MPP2: variants seen among roughly 807,000 people sequenced by gnomAD.
MPP2 encodes MAGUK p55 scaffold protein 2.
In MPP2, 42 loss-of-function variants were observed where a neutral mutation model predicts 58.5. The observed-to-expected ratio is 0.72, with a 90% CI of 0.56 to 0.93. MPP2 has a LOEUF of 0.93. Ranked by LOEUF, MPP2 falls within the 40% of genes least tolerant of loss-of-function variation. The probability of loss-of-function intolerance (pLI) is 0.00; values close to 1 mark genes in which losing one functional copy is unlikely to be tolerated. For synonymous variants in MPP2, 300 were observed against 307.8 expected, an observed-to-expected ratio of 0.97 and a Z score of 0.26; for missense variants, 632 against 760.4, an observed-to-expected ratio of 0.83 and a Z score of 1.99.
intron 3 of MPP2, among the ~76,000 whole-genome samples, chr17:43,885,212 G>T (rs532577508): frequency 1.3e-5 from 2 of 150,726 alleles, no homozygotes; most frequent in South Asian, 4.2e-4. Flanking sequence ...ATATCACTAT[G>T]AATTTTTTTT....
intron 1 of MPP2, among the ~76,000 whole-genome samples, chr17:43,906,351 AGCT>A (rs2048287535): frequency 6.6e-6 from 1 of 152,184 alleles, no homozygotes; most frequent in African/African-American, 2.4e-5. Context: ...GTGCCAGGCA[AGCT>A]AGCCTGGCTC....
At chr17:43,878,833 G>C (rs2046967591) in intron 12 of MPP2, among the ~76,000 whole-genome samples, 1 of 152,192 alleles carries the variant, frequency 6.6e-6, no homozygotes, top group Non-Finnish European at 1.5e-5. Flanking sequence ...CTCTCCTCCA[G>C]GCGCTGCCTG....
At chr17:43,909,711 A>T (rs1287237204), upstream of MPP2, 1 of 805,412 alleles carries the variant, frequency 1.2e-6, no homozygotes, top group East Asian at 3.2e-5. Flanking sequence ...GCCTTGCAGA[A>T]TGCCAGCCTC....
chr17:43,899,225 C>T (rs1325246277), intron 2 of MPP2, among the ~76,000 whole-genome samples: 2 of 149,874 alleles, frequency 1.3e-5, no homozygotes, highest in South Asian at 4.3e-4. Flanking sequence ...CCATCCTGGG[C>T]GACAGAGCAA....
rs2046860139 is a variant in MPP2 at position 43,876,794 on chromosome 17, G to T, written c.*1013C>A. 1 of 152,346 alleles carries T rather than the reference G, an allele frequency of 6.6e-6. No homozygotes were observed. Among genetic ancestry groups the T allele is most frequent in the Non-Finnish European group, 1.5e-5 (1 of 68,134 alleles). 9.4% of individuals were successfully genotyped at this position (152,346 alleles called of 1,614,324 possible). On this transcript the variant is annotated 3_prime_UTR_variant, in exon 13 of 13. Coordinates refer to ENST00000269095, the MANE Select transcript of MPP2 (RefSeq NM_005374.5). ...GGAGTTGTGTGTGAGGAACCTCCTGGAGGGCAACTGTCCTTCAAGCCCAGG... is the reference window on the plus strand; with the variant it reads ...GGAGTTGTGTGTGAGGAACCTCCTGTAGGGCAACTGTCCTTCAAGCCCAGG...
intron 3 of MPP2, among the ~76,000 whole-genome samples, chr17:43,887,265 C>G (rs930313526): frequency 2.0e-4 from 30 of 152,102 alleles, no homozygotes; most frequent in African/African-American, 7.2e-4. Flanking sequence ...GATGTCCCTG[C>G]TACTCTTACT....
At chr17:43,908,367 C>G (rs2048366316), upstream of MPP2, among the ~76,000 whole-genome samples, 1 of 152,220 alleles carries the variant, frequency 6.6e-6, no homozygotes, top group Non-Finnish European at 1.5e-5. Flanking sequence ...TTCAGCCACC[C>G]CGTCCAGTTG....
chr17:43,907,674 C>T (rs2048347379), upstream of MPP2: 3 of 985,540 alleles, frequency 3.0e-6, no homozygotes, highest in South Asian at 4.7e-5. Context: ...GCAGCTGGTA[C>T]GGGGGCAGCC....
At position 43,879,757 on chromosome 17, in the gene MPP2, C is replaced by T; in HGVS notation, c.1353+25G>A. On this transcript the variant is annotated intron_variant, in intron 11 of 12. Coordinates refer to ENST00000269095, the MANE Select transcript of MPP2 (RefSeq NM_005374.5). This position sits in a 1 kb window ranked among gnomAD's most constrained non-coding sequence, Gnocchi z 4.1. Reference sequence around the variant, plus strand: ...GGCAGCAGAGAGGACATTGGGCAGGCTGGGAAGGAGCAGAGTGGCGGTACC... The same window carrying T: ...GGCAGCAGAGAGGACATTGGGCAGGTTGGGAAGGAGCAGAGTGGCGGTACC... 6.2e-7 allele frequency: 1 copy of T among 1,611,698 alleles called. No homozygotes were observed. The highest frequency in any genetic ancestry group is 8.5e-7 in the Non-Finnish European group (1 of 1,179,528).
At position 43,883,242 on chromosome 17, in the gene MPP2, G is replaced by A. The variant is rs754842010; in HGVS notation, c.264C>T (p.Ala88=). 1.2e-5 allele frequency: 19 copies of A among 1,609,876 alleles called. No homozygotes were observed. Among genetic ancestry groups the A allele is most frequent in the Middle Eastern group, 1.7e-4 (1 of 6,034 alleles). ...CCTGGAGGATGTGGGCCAGCTCGGC[G>A]GCTGTGCTGCTCTGCTCAGCCAGCT... ...LAQLAEQSST[A]AELAHILQEP... is the part of the protein sequence containing the mutation. Residue 88 remains alanine (A), a synonymous_variant, in exon 4 of 13, where the codon GCC becomes GCT. Coordinates refer to ENST00000269095, the MANE Select transcript of MPP2 (RefSeq NM_005374.5).
intron 3 of MPP2, among the ~76,000 whole-genome samples, chr17:43,887,924 G>GCA: frequency 6.6e-6 from 1 of 152,242 alleles, no homozygotes; most frequent in East Asian, 1.9e-4. Context: ...TATTATGGCT[G>GCA]AGATGTACTC....
At chr17:43,906,047 A>C (rs231482) in intron 1 of MPP2, 3 of 948,562 alleles carry the variant, frequency 3.2e-6, no homozygotes, top group Non-Finnish European at 3.8e-6. Flanking sequence ...GGGAGGAGGG[A>C]TCCCTTCCCT....
chr17:43,896,983 T>A (rs969854323), intron 3 of MPP2, among the ~76,000 whole-genome samples: 1 of 152,130 alleles, frequency 6.6e-6, no homozygotes, highest in African/African-American at 2.4e-5. Context: ...TGCCTTACTG[T>A]ACCCTAGCCC....
intron 3 of MPP2, among the ~76,000 whole-genome samples, chr17:43,888,268 G>A (rs1189740076): frequency 6.6e-6 from 1 of 152,176 alleles, no homozygotes; most frequent in Non-Finnish European, 1.5e-5. Flanking sequence ...CCTCTGCCGG[G>A]TGGGCAGCAT....
intron 3 of MPP2, among the ~76,000 whole-genome samples, chr17:43,898,019 C>T (rs959179694): frequency 6.6e-6 from 1 of 152,250 alleles, no homozygotes; most frequent in African/African-American, 2.4e-5. Flanking sequence ...CAATCACACA[C>T]TCCACAAGCT....
chr17:43,902,422 G>A (rs1391527510), intron 2 of MPP2, among the ~76,000 whole-genome samples: 2 of 152,214 alleles, frequency 1.3e-5, no homozygotes, highest in Non-Finnish European at 2.9e-5. Flanking sequence ...TTAAGCACAG[G>A]CTCAGGGGTG....
At position 43,879,777 on chromosome 17, in the gene MPP2, G is replaced by A. The variant is rs764204368; in HGVS notation, c.1353+5C>T. 1.4e-5 allele frequency: 22 copies of A among 1,611,680 alleles called. No homozygotes were observed. Among genetic ancestry groups the A allele is most frequent in the Admixed American group, 8.3e-5 (5 of 59,978 alleles). ...GCAGGCTGGGAAGGAGCAGAGTGGC[G>A]GTACCTGGGGGTTGACATCCAGCAC... On this transcript the variant is annotated splice_donor_5th_base_variant and intron_variant, in intron 11 of 12. Transcript: ENST00000269095. This position sits in a 1 kb window ranked among gnomAD's most constrained non-coding sequence, Gnocchi z 4.1.
At chr17:43,893,433 A>G (rs543007585) in intron 3 of MPP2, among the ~76,000 whole-genome samples, 2 of 152,332 alleles carry the variant, frequency 1.3e-5, no homozygotes, top group African/African-American at 4.8e-5. Flanking sequence ...TAAGACAGCA[A>G]AATCAGCAGT....
At chr17:43,892,230 C>G (rs750016543) in intron 3 of MPP2, among the ~76,000 whole-genome samples, 1 of 152,244 alleles carries the variant, frequency 6.6e-6, no homozygotes, top group Non-Finnish European at 1.5e-5. Context: ...CATCCCCAGA[C>G]AGAGTCAAGC....
Sources: allele counts gnomAD v4.1 joint callset (sites outside exome capture counted in the v4.1 genomes callset), GRCh38; gene constraint gnomAD v4.1.1; non-coding constraint Gnocchi (gnomAD v3.1); transcripts MANE v1.5; gene names NCBI Gene and HGNC (gene_info 2026-07-23, HGNC 2026-07-21).